The following ADAMTS17 variants were observed in gnomAD, a reference collection of about 807,000 sequenced individuals.
The protein encoded by ADAMTS17 is ADAM metallopeptidase with thrombospondin type 1 motif 17, also known as A disintegrin and metalloproteinase with thrombospondin motifs 17.
A neutral mutation model predicts 141.5 loss-of-function variants in ADAMTS17; 113 were observed. The ratio of observed to expected loss-of-function variants is 0.80; its 90% CI spans 0.69 to 0.93. ADAMTS17 has a LOEUF of 0.93. ADAMTS17 is among the 40% of genes least tolerant of loss of function. ADAMTS17 has a pLI of 0.00. For missense variants in ADAMTS17, 1,659 were observed against 1,517.9 expected (o/e 1.09, Z -1.54); for synonymous variants, 768 against 630.6 (o/e 1.22, Z -3.27).
intron 3 of ADAMTS17, among the ~76,000 whole-genome samples, chr15:100,304,218 G>A (rs998567415): frequency 6.6e-6 from 1 of 152,148 alleles, no homozygotes; most frequent in African/African-American, 2.4e-5. Context: ...TTGTCTGAGT[G>A]TCACATCCTT....
intron 3 of ADAMTS17, among the ~76,000 whole-genome samples, chr15:100,329,526 C>CAAA (rs35680287): frequency 7.0e-5 from 9 of 128,144 alleles, no homozygotes; most frequent in Admixed American, 5.7e-4. Context: ...ATCGTGTCTC[C>CAAA]AAAAAAAAAA....
chr15:100,083,701 T>C (rs1000070366), intron 15 of ADAMTS17, among the ~76,000 whole-genome samples: 26 of 150,762 alleles, frequency 1.7e-4, no homozygotes, highest in African/African-American at 5.1e-4. Flanking sequence ...TTGAGGGCAG[T>C]TGGTGCCTTA....
chr15:100,135,483 G>C (rs2038283254), intron 10 of ADAMTS17, among the ~76,000 whole-genome samples: 1 of 151,906 alleles, frequency 6.6e-6, no homozygotes, highest in Non-Finnish European at 1.5e-5. Context: ...CGGGGTTTCA[G>C]CGTGTTAGCC....
intron 20 of ADAMTS17, among the ~76,000 whole-genome samples, chr15:99,992,718 C>T (rs1432012014): frequency 6.6e-6 from 1 of 152,174 alleles, no homozygotes; most frequent in Admixed American, 6.5e-5. Flanking sequence ...GAGGCTGGGG[C>T]CTGCCAGCAC....
chr15:100,091,028 A>AAAAAAAG (rs369355348), intron 15 of ADAMTS17, among the ~76,000 whole-genome samples: 2 of 143,698 alleles, frequency 1.4e-5, no homozygotes, highest in African/African-American at 5.4e-5. Context: ...AAAAAAAAAA[A>AAAAAAAG]GGGTAACCAA....
intron 12 of ADAMTS17, among the ~76,000 whole-genome samples, chr15:100,124,664 G>T (rs1233972535): frequency 6.6e-6 from 1 of 152,268 alleles, no homozygotes; most frequent in Non-Finnish European, 1.5e-5. Flanking sequence ...GCTCGACCGT[G>T]ATGAGCAATA....
chr15:99,975,938 G>C, intron 21 of ADAMTS17, 107 bp downstream of exon 21: 1 of 1,241,386 alleles, frequency 8.1e-7, no homozygotes, highest in Non-Finnish European at 1.1e-6. Context: ...TGACAAGTGA[G>C]GCCCAAGAAG....
intron 6 of ADAMTS17, among the ~76,000 whole-genome samples, chr15:100,260,055 A>C (rs1001691984): frequency 2.6e-5 from 4 of 151,908 alleles, no homozygotes; most frequent in Non-Finnish European, 5.9e-5. Context: ...ATGTTGGCCA[A>C]GCTGGTCTCG....
At chr15:100,062,261 C>G (rs779031385) in intron 15 of ADAMTS17, among the ~76,000 whole-genome samples, 4 of 152,110 alleles carry the variant, frequency 2.6e-5, no homozygotes, top group African/African-American at 9.7e-5. Flanking sequence ...AGCAGAAGCA[C>G]GAGCGGCCGT....
chr15:100,177,742 T>C (rs1037345263), intron 8 of ADAMTS17, among the ~76,000 whole-genome samples: 6 of 152,202 alleles, frequency 3.9e-5, no homozygotes, highest in Admixed American at 6.5e-5. Flanking sequence ...GTTTTGAAAA[T>C]AGCCTTTTAA....
intron 3 of ADAMTS17, among the ~76,000 whole-genome samples, chr15:100,315,358 CA>C (rs2045531708): frequency 6.6e-6 from 1 of 152,138 alleles, no homozygotes; most frequent in Non-Finnish European, 1.5e-5. Flanking sequence ...AGAAACTGAT[CA>C]GGGGACAGAA....
rs890105897 is a variant in ADAMTS17, at chr15:100,303,771, G to A, written c.617-22370C>T. 4.6e-5 allele frequency among the ~76,000 whole-genome samples: 7 copies of A among 152,112 alleles called. 1 individual carries two copies. The highest frequency in any genetic ancestry group is 9.7e-5 in the African/African-American group (4 of 41,422). On this transcript the variant is annotated intron_variant, in intron 3 of 21. Coordinates refer to ENST00000268070, the MANE Select transcript of ADAMTS17 (RefSeq NM_139057.4). ...TTTCTCTCTTGTCGCCCAGGCTGGA[G>A]TGCAGTGGTGTGATCTCAGCTCATT...
Position 100,310,345 on chromosome 15 carries a change from C to T in ADAMTS17, c.616+20544G>A, listed in dbSNP as rs151291630. ...AAAAGCACAGTGAGAGAAGCAGCCA[C>T]ATCCCTGGCAGCAGTGGAAACAGTT... On this transcript the variant is annotated intron_variant, in intron 3 of 21. Transcript: ENST00000268070. Among the ~76,000 whole-genome samples, 9 of 152,364 alleles carry T rather than the reference C, an allele frequency of 5.9e-5. No individual in the cohort carries two copies. The South Asian group carries it at 8.3e-4, about 14-fold the overall frequency.
intron 6 of ADAMTS17, among the ~76,000 whole-genome samples, chr15:100,254,951 A>G (rs375709161): frequency 2.0e-5 from 3 of 152,270 alleles, no homozygotes; most frequent in African/African-American, 7.2e-5. Context: ...ACCATGGCAC[A>G]TGTTTACCTA....
At chr15:100,154,932 T>C (rs1314582071) in intron 9 of ADAMTS17, among the ~76,000 whole-genome samples, 6 of 152,228 alleles carry the variant, frequency 3.9e-5, no homozygotes, top group African/African-American at 1.4e-4. Context: ...AGGGTGACTA[T>C]GTTGACATTT....
At chr15:100,073,915 T>TAA (rs55884157) in intron 15 of ADAMTS17, among the ~76,000 whole-genome samples, 1 of 151,886 alleles carries the variant, frequency 6.6e-6, no homozygotes, top group Non-Finnish European at 1.5e-5. Context: ...AAAGTATAAT[T>TAA]AAAAAAAGGC....
At chr15:100,124,045 C>T (rs1037886033) in intron 12 of ADAMTS17, among the ~76,000 whole-genome samples, 1 of 151,494 alleles carries the variant, frequency 6.6e-6, no homozygotes, top group African/African-American at 2.4e-5. Flanking sequence ...CTCACTATAA[C>T]CTCTGCCTCC....
chr15:100,331,609 G>A (rs896900906), intron 2 of ADAMTS17, among the ~76,000 whole-genome samples: 10 of 152,126 alleles, frequency 6.6e-5, no homozygotes, highest in African/African-American at 2.4e-4. Context: ...CCCAGGCAGG[G>A]CCAGGGGAGG....
chr15:100,125,844 G>A (rs1186028576), intron 12 of ADAMTS17, among the ~76,000 whole-genome samples: 2 of 152,118 alleles, frequency 1.3e-5, no homozygotes, highest in African/African-American at 4.8e-5. Context: ...AAATAATTGT[G>A]TGTGGGGGGA....
Sources: gnomAD v4.1 joint callset for allele counts (sites outside exome capture counted in the v4.1 genomes callset) on GRCh38, gnomAD v4.1.1 for gene constraint, MANE v1.5 for transcripts, NCBI Gene and HGNC (gene_info 2026-07-23, HGNC 2026-07-21) for gene names.